The following CBFA2T2 variants were observed in gnomAD, a reference collection of about 807,000 sequenced individuals.
CBFA2T2 encodes CBFA2/RUNX1 partner transcriptional co-repressor 2, also known as protein CBFA2T2.
CBFA2T2 carries 11 observed loss-of-function variants against 62.2 expected under a neutral mutation model. The observed-to-expected ratio is 0.18, with a 90% CI of 0.11 to 0.29. The LOEUF (loss-of-function observed/expected upper bound fraction) is 0.29, where lower values mean the gene tolerates loss of function less well. CBFA2T2 is among the 10% of genes least tolerant of loss of function. CBFA2T2 has a pLI of 1.00. For missense variants in CBFA2T2, 592 were observed against 774.1 expected (o/e 0.76, Z 2.79); for synonymous variants, 295 against 287.5 (o/e 1.03, Z -0.27).
chr20:33,625,291 G>T (rs2016180382), intron 6 of CBFA2T2, among the ~76,000 whole-genome samples: 1 of 152,108 alleles, frequency 6.6e-6, no homozygotes, highest in Non-Finnish European at 1.5e-5. Flanking sequence ...CTTGAAGCCA[G>T]TCTGGGCAAC....
chr20:33,592,386 ATATATAATTATGTAAAAAT>A (rs899833849), intron 1 of CBFA2T2, among the ~76,000 whole-genome samples: 53 of 147,436 alleles, frequency 3.6e-4, no homozygotes, highest in Non-Finnish European at 2.4e-4. Context: ...ATATATATAT[ATATATAATTATGTAAAAAT>A]TATATATATA....
chr20:33,648,980 G>A lies in CBFA2T2; in HGVS notation c.*4334G>A, dbSNP rs993841427. On this transcript the variant is annotated 3_prime_UTR_variant, in exon 11 of 11. Coordinates refer to ENST00000342704, the MANE Select transcript of CBFA2T2 (RefSeq NM_001032999.3). ...GTGCGTTTGAAGGTTCAGCACAGCT[G>A]GAATTGTACGGTAGTGAGCTCTTCA... The A allele has an allele frequency of 6.6e-6, 1 of 152,122 alleles. No homozygotes were observed. Among genetic ancestry groups the A allele is most frequent in the Admixed American group, 6.6e-5 (1 of 15,266 alleles). The allele number at this position is 152,122 out of a possible 1,614,324, so 9.4% of individuals were successfully genotyped here.
rs188838462 is a variant in CBFA2T2 at position 33,551,436 on chromosome 20, G to A, written c.35-55520G>A. Among the ~76,000 whole-genome samples the A allele has an allele frequency of 3.5e-3, 532 of 151,884 alleles. 4 individuals are homozygous for A. The highest frequency in any genetic ancestry group is 0.012 in the African/African-American group (508 of 41,436). ...TCTCCATGTTAGTCAGGCTGGTCTC[G>A]AACTCCCGACCTCAGGTGATCTGCC... On this transcript the variant is annotated intron_variant, in intron 1 of 10. Coordinates refer to ENST00000342704, the MANE Select transcript of CBFA2T2 (RefSeq NM_001032999.3).
At chr20:33,533,085 C>A (rs1260724041) in intron 1 of CBFA2T2, among the ~76,000 whole-genome samples, 1 of 152,134 alleles carries the variant, frequency 6.6e-6, no homozygotes, top group African/African-American at 2.4e-5. Context: ...TCACTTTTCC[C>A]CCCTTACATA....
At chr20:33,599,843 C>T (rs2015044565) in intron 1 of CBFA2T2, among the ~76,000 whole-genome samples, 1 of 152,166 alleles carries the variant, frequency 6.6e-6, no homozygotes, top group African/African-American at 2.4e-5. Flanking sequence ...ATCCACCCAC[C>T]TCAACCTCCC....
chr20:33,558,584 C>G lies in CBFA2T2; in HGVS notation c.35-48372C>G, dbSNP rs182400363. Among the ~76,000 whole-genome samples the G allele has an allele frequency of 6.0e-4, 92 of 152,172 alleles. 1 individual carries two copies. The South Asian group carries it at 0.014, about 24-fold the overall frequency. ...TCTTGCCATTAACATGTTCCTGTGT[C>G]CCCTCAATGTTTTATAAATTTGCTC... On this transcript the variant is annotated intron_variant, in intron 1 of 10. Coordinates refer to ENST00000342704, the MANE Select transcript of CBFA2T2 (RefSeq NM_001032999.3).
chr20:33,582,187 A>T (rs1416100136), intron 1 of CBFA2T2, among the ~76,000 whole-genome samples: 1 of 152,082 alleles, frequency 6.6e-6, no homozygotes, highest in African/African-American at 2.4e-5. Context: ...TAGCCTTTTG[A>T]TGATGTTGAT....
At chr20:33,619,363 C>T (rs1568856653) in intron 3 of CBFA2T2, among the ~76,000 whole-genome samples, 154 bp from the exon 4 acceptor site, 2 of 151,798 alleles carry the variant, frequency 1.3e-5, no homozygotes. Context: ...GCCGAGACCG[C>T]GCCACTGCGC....
chr20:33,563,716 TTGTC>T (rs1469647028), intron 1 of CBFA2T2, among the ~76,000 whole-genome samples: 7 of 152,110 alleles, frequency 4.6e-5, no homozygotes, highest in Non-Finnish European at 7.3e-5. Context: ...TTGGGGAAAT[TTGTC>T]TGGCACATAG....
chr20:33,619,100 C>T (rs1460724999), intron 3 of CBFA2T2, among the ~76,000 whole-genome samples: 1 of 152,184 alleles, frequency 6.6e-6, no homozygotes, highest in Non-Finnish European at 1.5e-5. Flanking sequence ...AGCAGCTGAG[C>T]ACGGTGGCTC....
chr20:33,515,547 C>A (rs1368891533), intron 1 of CBFA2T2, among the ~76,000 whole-genome samples: 1 of 151,614 alleles, frequency 6.6e-6, no homozygotes, highest in Non-Finnish European at 1.5e-5. Flanking sequence ...GAGATGGAGT[C>A]TCACTCTGTC....
At chr20:33,631,014 C>T (rs368505143) in intron 8 of CBFA2T2, among the ~76,000 whole-genome samples, 5 of 152,050 alleles carry the variant, frequency 3.3e-5, no homozygotes, top group East Asian at 1.9e-4. Context: ...TGATTCCTTT[C>T]GTAAAAACTC....
chr20:33,641,570 G>A (rs538972764), intron 10 of CBFA2T2, among the ~76,000 whole-genome samples: 6 of 152,236 alleles, frequency 3.9e-5, no homozygotes, highest in Admixed American at 2.6e-4. Flanking sequence ...TCTACTGGAT[G>A]GGAGACCGGC....
At chr20:33,636,904 T>G (rs2016654160) in intron 9 of CBFA2T2, among the ~76,000 whole-genome samples, 196 bp downstream of exon 9, 1 of 152,144 alleles carries the variant, frequency 6.6e-6, no homozygotes. Context: ...AATTTGCAGG[T>G]CAGGAGTTTG....
chr20:33,644,488 C>A lies in CBFA2T2; in HGVS notation c.1630C>A (p.His544Asn). Residue 544 changes from histidine (H) to asparagine (N), a missense_variant, in exon 11 of 11, where the codon CAC (histidine) becomes AAC (asparagine). By Grantham distance (68) the His-to-Asn change is moderately conservative (BLOSUM62 1). This residue lies in a region of CBFA2T2 where 85 missense variants were observed against 99.0 expected (regional missense o/e 0.86). Coordinates refer to ENST00000342704, the MANE Select transcript of CBFA2T2 (RefSeq NM_001032999.3). Reference protein sequence around the residue: ...CGQNLHGQSPHGQGRPLLPVG... With the variant: ...CGQNLHGQSPNGQGRPLLPVG... ...TCAGAACCTGCATGGCCAGAGCCCC[C>A]ACGGCCAGGGCCGGCCGCTGCTTCC... The A allele has an allele frequency of 6.2e-7, 1 of 1,614,206 alleles. No individual in the cohort carries two copies.
At chr20:33,519,212 G>A (rs767787178) in intron 1 of CBFA2T2, among the ~76,000 whole-genome samples, 3 of 152,130 alleles carry the variant, frequency 2.0e-5, no homozygotes, top group Non-Finnish European at 4.4e-5. Flanking sequence ...GTTCATGCTT[G>A]TAATCCCAGA....
chr20:33,525,038 G>A (rs2011846717), intron 1 of CBFA2T2, among the ~76,000 whole-genome samples: 1 of 152,158 alleles, frequency 6.6e-6, no homozygotes, highest in African/African-American at 2.4e-5. Flanking sequence ...ATTTCACCAT[G>A]TTGTCCAGGC....
intron 1 of CBFA2T2, among the ~76,000 whole-genome samples, chr20:33,597,973 G>A (rs965523881): frequency 1.3e-5 from 2 of 152,090 alleles, no homozygotes; most frequent in Admixed American, 6.5e-5. Flanking sequence ...ATCATATGTC[G>A]GTAGGTTCCA....
In CBFA2T2 at chr20:33,564,926, T is replaced by C. The variant is rs188015042; in HGVS notation, c.35-42030T>C. On this transcript the variant is annotated intron_variant, in intron 1 of 10. Coordinates refer to ENST00000342704, the MANE Select transcript of CBFA2T2 (RefSeq NM_001032999.3). ...ACTTTTCCCAAGTTTTCTTTTCTTT[T>C]CTTTTCTTTTTGAGACGGAGTCTCG... Among the ~76,000 whole-genome samples the C allele has an allele frequency of 3.7e-3, 558 of 152,188 alleles. 4 individuals are homozygous for C. Among genetic ancestry groups the C allele is most frequent in the African/African-American group, 0.013 (535 of 41,506 alleles).
Sources: gnomAD v4.1 joint callset for allele counts (sites outside exome capture counted in the v4.1 genomes callset) on GRCh38, gnomAD v4.1.1 for gene constraint, gnomAD v4.1.1 regional missense constraint, MANE v1.5 for transcripts, NCBI Gene and HGNC (gene_info 2026-07-23, HGNC 2026-07-21) for gene names.